Variants in SLC6A17 observed in about 807,000 individuals in gnomAD.
SLC6A17 encodes sodium-dependent neutral amino acid transporter SLC6A17.
Under a neutral mutation model 64.5 loss-of-function variants are expected in SLC6A17, and 21 were observed. The observed-to-expected ratio is 0.33, with a 90% CI of 0.23 to 0.47. SLC6A17 has a LOEUF of 0.47. Among genes scored for constraint, SLC6A17 ranks in the 20% least tolerant of loss-of-function variants. The probability of loss-of-function intolerance (pLI) is 1.00; values close to 1 mark genes in which losing one functional copy is unlikely to be tolerated. For synonymous variants in SLC6A17, 372 were observed against 399.5 expected (o/e 0.93, Z 0.82); for missense variants, 682 against 963.2 (o/e 0.71, Z 3.86).
intron 6 of SLC6A17, among the ~76,000 whole-genome samples, chr1:110,185,649 C>G (rs1187703159): frequency 6.6e-6 from 1 of 152,222 alleles, no homozygotes; most frequent in East Asian, 1.9e-4. Flanking sequence ...GGGAAAAGCC[C>G]ATTGCCCATC....
intron 1 of SLC6A17, among the ~76,000 whole-genome samples, chr1:110,156,514 T>C (rs371166908): frequency 7.2e-5 from 11 of 152,322 alleles, no homozygotes; most frequent in African/African-American, 2.6e-4. Flanking sequence ...CATACCAGTA[T>C]GTCAAAAAGA....
chr1:110,187,201 A>G (rs1295171237), intron 6 of SLC6A17, among the ~76,000 whole-genome samples: 3 of 79,556 alleles, frequency 3.8e-5, no homozygotes, highest in Non-Finnish European at 1.1e-4. Context: ...ACAATTCGCT[A>G]ATCAGGCAGA....
At chr1:110,185,177 G>C (rs551638820) in intron 6 of SLC6A17, among the ~76,000 whole-genome samples, 58 of 152,334 alleles carry the variant, frequency 3.8e-4, no homozygotes, top group Non-Finnish European at 6.9e-4. Context: ...TTGCCCTGAG[G>C]GTCTCAGTTT....
Position 110,199,887 on chromosome 1 carries a change from GTGGATGGATGGATAGATGGA to G in SLC6A17, c.*1457_*1476del, listed in dbSNP as rs1409836299. ...TGGATGGATGGGTTGGGGAGTGGGG[GTGGATGGATGGATAGATGGA>G]TGGATGGATGGATGGATGGGTTGGG... On this transcript the variant is annotated 3_prime_UTR_variant, in exon 12 of 12. Transcript: ENST00000331565. 5 of 388,898 alleles carry G rather than the reference GTGGATGGATGGATAGATGGA, an allele frequency of 1.3e-5. No individual in the cohort carries two copies. Among genetic ancestry groups the G allele is most frequent in the African/African-American group, 6.3e-5 (3 of 47,574 alleles). 24.1% of individuals were successfully genotyped at this position (388,898 alleles called of 1,614,324 possible). A position where few individuals can be genotyped will look rare whatever the true frequency, so the allele number is the denominator to read the frequency against.
rs1217455792 is a variant in SLC6A17 at position 110,199,901 on chromosome 1, A to AGATGGATGGATG, written c.*1471_*1482dup. 1.2e-5 allele frequency: 3 copies of AGATGGATGGATG among 255,150 alleles called. No homozygotes were observed. Among genetic ancestry groups the AGATGGATGGATG allele is most frequent in the Non-Finnish European group, 2.1e-5 (3 of 145,938 alleles). The allele number at this position is 255,150 out of a possible 1,614,324, so 15.8% of individuals were successfully genotyped here. Reference sequence around the variant, plus strand: ...GGGGAGTGGGGGTGGATGGATGGATAGATGGATGGATGGATGGATGGATGG... The same window carrying AGATGGATGGATG: ...GGGGAGTGGGGGTGGATGGATGGATAGATGGATGGATGGATGGATGGATGGATGGATGGATGG... On this transcript the variant is annotated 3_prime_UTR_variant, in exon 12 of 12. Transcript: ENST00000331565.
rs1557843739 is a variant in SLC6A17, at chr1:110,199,036, T to C, written c.*592T>C. The stretch of plus-strand genomic sequence containing the variant: ...GAGGGCCTAGGCAGAAGCCCCAAGT[T>C]CTGTTTTCTGAGGTATGTGCTGCCC... On this transcript the variant is annotated 3_prime_UTR_variant, in exon 12 of 12. Coordinates refer to ENST00000331565, the MANE Select transcript of SLC6A17 (RefSeq NM_001010898.4). 1 of 152,864 alleles carries C rather than the reference T, an allele frequency of 6.5e-6. No homozygotes were observed. The highest frequency in any genetic ancestry group is 2.4e-5 in the African/African-American group (1 of 41,428). The allele number at this position is 152,864 out of a possible 1,614,324, so 9.5% of individuals were successfully genotyped here. A position where few individuals can be genotyped will look rare whatever the true frequency, so the allele number is the denominator to read the frequency against.
intron 5 of SLC6A17, 45 bp from the exon 6 acceptor site, chr1:110,176,584 G>T (rs770573372): frequency 3.2e-6 from 5 of 1,574,562 alleles, no homozygotes; most frequent in Non-Finnish European, 4.4e-6. Flanking sequence ...GGTGCCAGCT[G>T]CAGGAAGGGC....
chr1:110,180,961 A>G (rs1263188619), intron 6 of SLC6A17, among the ~76,000 whole-genome samples: 1 of 152,118 alleles, frequency 6.6e-6, no homozygotes, highest in African/African-American at 2.4e-5. Context: ...AATTCAGGCT[A>G]TCGGACCTGG....
Position 110,195,776 on chromosome 1 carries a change from G to A in SLC6A17, c.1652+31G>A, listed in dbSNP as rs1365225637. The A allele has an allele frequency of 1.2e-6, 2 of 1,613,176 alleles. 1 individual carries two copies. Among genetic ancestry groups the A allele is most frequent in the East Asian group, 4.5e-5 (2 of 44,888 alleles). On this transcript the variant is annotated intron_variant, in intron 10 of 11. Transcript: ENST00000331565. ...AGGAACATGGGGGAAAGGTGGGATG[G>A]GAGGAGGGGTCTGTCCTATCATGAC...
At chr1:110,169,077 A>G (rs1023087344) in intron 2 of SLC6A17, among the ~76,000 whole-genome samples, 2 of 152,076 alleles carry the variant, frequency 1.3e-5, no homozygotes, top group African/African-American at 2.4e-5. Context: ...TGTCTTAAAT[A>G]TTTTTTAGGA....
intron 6 of SLC6A17, among the ~76,000 whole-genome samples, chr1:110,179,163 T>C (rs372485896): frequency 3.3e-4 from 50 of 152,218 alleles, no homozygotes; most frequent in African/African-American, 1.2e-3. Context: ...TAAACTGAAA[T>C]GTATTTATTC....
intron 8 of SLC6A17, 22 bp from the exon 9 acceptor site, chr1:110,194,557 C>G (rs766836801): frequency 4.4e-6 from 7 of 1,608,912 alleles, no homozygotes; most frequent in Non-Finnish European, 6.0e-6. Context: ...CTCACAGGCC[C>G]TGCTTTCCAC....
chr1:110,166,503 C>T (rs570233600), intron 1 of SLC6A17, among the ~76,000 whole-genome samples: 1 of 152,354 alleles, frequency 6.6e-6, no homozygotes, highest in South Asian at 2.1e-4. Flanking sequence ...CTGTATGGGC[C>T]TCCAAAGGGG....
intron 5 of SLC6A17, 48 bp downstream of exon 5, chr1:110,175,008 AGGCACAGAG>A: frequency 6.3e-7 from 1 of 1,579,752 alleles, no homozygotes; most frequent in Non-Finnish European, 8.6e-7. Context: ...AACAGCAGAA[AGGCACAGAG>A]GGCACAGGGC....
At position 110,198,066 on chromosome 1, in the gene SLC6A17, C is replaced by T. The variant is rs2761445; in HGVS notation, c.1816-10C>T. The T allele has an allele frequency of 0.48, 766,524 of 1,602,182 alleles. 189,864 individuals carry two copies. The highest frequency in any genetic ancestry group is 0.52 in the Non-Finnish European group (605,929 of 1,174,352). On this transcript the variant is annotated splice_polypyrimidine_tract_variant and intron_variant, in intron 11 of 11. Transcript: ENST00000331565. ...TGCCGGCAGCAGCCCTTAAGGCAGC[C>T]CACCCGCAGGCTGCCGAGCGCTACC...
At chr1:110,165,130 GC>G (rs1265266865) in intron 1 of SLC6A17, among the ~76,000 whole-genome samples, 1 of 152,182 alleles carries the variant, frequency 6.6e-6, no homozygotes, top group Non-Finnish European at 1.5e-5. Flanking sequence ...CTGTTTGCAT[GC>G]CCTGCAGACG....
chr1:110,179,647 G>A (rs1163799034), intron 6 of SLC6A17, among the ~76,000 whole-genome samples: 14 of 150,168 alleles, frequency 9.3e-5, no homozygotes, highest in Admixed American at 6.7e-4. Flanking sequence ...TCCACCTCCC[G>A]GGTTCAAGCT....
chr1:110,198,466 C>T lies in SLC6A17; in HGVS notation c.*22C>T, dbSNP rs778822732. Reference sequence around the variant, plus strand: ...GTGACCACTGCCCAAGCCCTGCCCGCCTCTCCCCCCACGCTCAACCTGCCC... The same window carrying T: ...GTGACCACTGCCCAAGCCCTGCCCGTCTCTCCCCCCACGCTCAACCTGCCC... On this transcript the variant is annotated 3_prime_UTR_variant, in exon 12 of 12. Transcript: ENST00000331565. 2 of 1,583,040 alleles carry T rather than the reference C, an allele frequency of 1.3e-6. No individual in the cohort carries two copies. The highest frequency in any genetic ancestry group is 2.2e-5 in the East Asian group (1 of 44,606).
At chr1:110,165,646 G>A (rs931093050) in intron 1 of SLC6A17, among the ~76,000 whole-genome samples, 1 of 152,198 alleles carries the variant, frequency 6.6e-6, no homozygotes, top group Non-Finnish European at 1.5e-5. Flanking sequence ...GCCTTGGCTG[G>A]GGTCAGCCAG....
Sources: gnomAD v4.1 joint callset for allele counts (sites outside exome capture counted in the v4.1 genomes callset) on GRCh38, gnomAD v4.1.1 for gene constraint, MANE v1.5 for transcripts, NCBI Gene and HGNC (gene_info 2026-07-23, HGNC 2026-07-21) for gene names.